The following ZBTB7C variants were observed in gnomAD, a reference collection of about 807,000 sequenced individuals.
The protein encoded by ZBTB7C is zinc finger and BTB domain containing 7C.
In ZBTB7C, 8 loss-of-function variants were observed where a neutral mutation model predicts 25.7. The ratio of observed to expected loss-of-function variants is 0.31; its 90% CI spans 0.18 to 0.56. The LOEUF (loss-of-function observed/expected upper bound fraction) is 0.56, where lower values mean the gene tolerates loss of function less well. Among genes scored for constraint, ZBTB7C ranks in the 20% least tolerant of loss-of-function variants. The pLI is 0.91. For missense variants in ZBTB7C, 824 were observed against 855.2 expected (o/e 0.96, Z 0.46); for synonymous variants, 394 against 369.0 (o/e 1.07, Z -0.78).
intron 1 of ZBTB7C, among the ~76,000 whole-genome samples, chr18:48,387,407 G>A (rs902528389): frequency 6.6e-6 from 1 of 152,152 alleles, no homozygotes; most frequent in South Asian, 2.1e-4. Flanking sequence ...AAATGAATGG[G>A]GTTTTATTTC....
At chr18:48,037,074 G>C (rs976387835) in intron 4 of ZBTB7C, among the ~76,000 whole-genome samples, 14 of 152,350 alleles carry the variant, frequency 9.2e-5, no homozygotes, top group Non-Finnish European at 1.5e-5. Context: ...AAGGGAGGCA[G>C]GCTGGAGCCA....
At chr18:48,254,896 C>T (rs2043979771) in intron 2 of ZBTB7C, among the ~76,000 whole-genome samples, 1 of 152,154 alleles carries the variant, frequency 6.6e-6, no homozygotes, top group South Asian at 2.1e-4. Flanking sequence ...ATGGTTTGTT[C>T]ATGATGCTCA....
chr18:48,206,937 T>C (rs1318433442), intron 2 of ZBTB7C, among the ~76,000 whole-genome samples: 1 of 152,002 alleles, frequency 6.6e-6, no homozygotes, highest in Non-Finnish European at 1.5e-5. Flanking sequence ...AGCTGTAGAA[T>C]GAGAGAAGAT....
chr18:48,220,969 A>T (rs1319036232), intron 2 of ZBTB7C, among the ~76,000 whole-genome samples: 1 of 151,208 alleles, frequency 6.6e-6, no homozygotes, highest in Non-Finnish European at 1.5e-5. Context: ...CTCCCTCTAT[A>T]CTGTCCTAGT....
chr18:48,156,801 G>A (rs745628817), intron 3 of ZBTB7C, among the ~76,000 whole-genome samples: 3 of 151,636 alleles, frequency 2.0e-5, no homozygotes, highest in Admixed American at 6.6e-5. Context: ...TTTAAGTAAA[G>A]TTTAAGTCCC....
At chr18:48,065,873 G>A (rs1024188945) in intron 3 of ZBTB7C, among the ~76,000 whole-genome samples, 1 of 152,188 alleles carries the variant, frequency 6.6e-6, no homozygotes, top group African/African-American at 2.4e-5. Context: ...TGAGGGGGCA[G>A]AGTGGGGCAG....
At chr18:48,268,155 T>C (rs1238419366) in intron 2 of ZBTB7C, among the ~76,000 whole-genome samples, 3 of 152,212 alleles carry the variant, frequency 2.0e-5, no homozygotes, top group African/African-American at 4.8e-5. Context: ...GGCCATGCAC[T>C]TGTTTAAGCA....
At chr18:48,041,144 G>C (rs2036226028) in intron 3 of ZBTB7C, 21 bp from the exon 4 acceptor site, 1 of 1,560,212 alleles carries the variant, frequency 6.4e-7, no homozygotes. Flanking sequence ...ACACAGAGAA[G>C]AAGACTGGGT....
chr18:48,218,792 C>T (rs2042885075), intron 2 of ZBTB7C, among the ~76,000 whole-genome samples: 1 of 152,218 alleles, frequency 6.6e-6, no homozygotes, highest in African/African-American at 2.4e-5. Context: ...ACCTACAGGC[C>T]TGCCCTGCTA....
At chr18:48,056,948 AAC>A (rs1177428707) in intron 3 of ZBTB7C, among the ~76,000 whole-genome samples, 6 of 151,840 alleles carry the variant, frequency 4.0e-5, no homozygotes, top group African/African-American at 1.5e-4. Flanking sequence ...CAAACTGAAG[AAC>A]ATATTTGAAA....
chr18:48,183,027 G>A (rs992231814), intron 3 of ZBTB7C, among the ~76,000 whole-genome samples: 8 of 151,976 alleles, frequency 5.3e-5, no homozygotes, highest in African/African-American at 1.9e-4. Flanking sequence ...TTTGCAATTA[G>A]AAGTAAAAAT....
intron 3 of ZBTB7C, among the ~76,000 whole-genome samples, chr18:48,059,262 T>C (rs771859996): frequency 6.6e-6 from 1 of 152,160 alleles, no homozygotes; most frequent in Non-Finnish European, 1.5e-5. Flanking sequence ...CTGTGGTTTA[T>C]AATTCCCCTA....
At chr18:48,263,115 C>T (rs1214518019) in intron 2 of ZBTB7C, among the ~76,000 whole-genome samples, 1 of 152,224 alleles carries the variant, frequency 6.6e-6, no homozygotes, top group Admixed American at 6.5e-5. Context: ...TCCTCATTGT[C>T]CCACAAACAC....
At chr18:48,306,768 A>T (rs2045684788) in intron 2 of ZBTB7C, among the ~76,000 whole-genome samples, 1 of 152,162 alleles carries the variant, frequency 6.6e-6, no homozygotes, top group Non-Finnish European at 1.5e-5. Context: ...AACGATGCCT[A>T]CCTTTTACGT....
rs1444961497 is a variant in ZBTB7C, at chr18:48,318,360, C to G, written c.-79+19814G>C. On this transcript the variant is annotated intron_variant, in intron 2 of 4. Coordinates refer to ENST00000590800, the MANE Select transcript of ZBTB7C (RefSeq NM_001318841.2). ...GCCCCCATCCCTCCAGATGAAGCCTCTGGGCTAGAGGCCCACCTGCTTGGT... is the reference window on the plus strand; with the variant it reads ...GCCCCCATCCCTCCAGATGAAGCCTGTGGGCTAGAGGCCCACCTGCTTGGT... Among the ~76,000 whole-genome samples the G allele has an allele frequency of 3.3e-5, 5 of 152,166 alleles. No homozygotes were observed. The East Asian group carries it at 9.6e-4, about 29-fold the overall frequency.
At chr18:48,047,095 G>T (rs527282456) in intron 3 of ZBTB7C, among the ~76,000 whole-genome samples, 7 of 152,248 alleles carry the variant, frequency 4.6e-5, no homozygotes, top group African/African-American at 1.7e-4. Flanking sequence ...GGTGAGCTGC[G>T]GTCAGGAGGT....
chr18:48,256,172 C>A lies in ZBTB7C; in HGVS notation c.-78-70177G>T, dbSNP rs535106481. ...CCACAGTTCCAAGAAGCTCAAGAAACCTGAAACATAAGAAATATGAAGAAG... is the reference window on the plus strand; with the variant it reads ...CCACAGTTCCAAGAAGCTCAAGAAAACTGAAACATAAGAAATATGAAGAAG... On this transcript the variant is annotated intron_variant, in intron 2 of 4. Transcript: ENST00000590800. Among the ~76,000 whole-genome samples the A allele has an allele frequency of 1.4e-4, 22 of 151,864 alleles. 1 individual carries two copies. The highest frequency in any genetic ancestry group is 4.6e-4 in the Admixed American group (7 of 15,254).
intron 3 of ZBTB7C, among the ~76,000 whole-genome samples, chr18:48,090,641 G>A (rs2038377112): frequency 6.6e-6 from 1 of 152,152 alleles, no homozygotes; most frequent in Admixed American, 6.5e-5. Flanking sequence ...AGGCCTATCT[G>A]TCCAGCCTTA....
chr18:48,398,148 C>A (rs1448131734), intron 1 of ZBTB7C, among the ~76,000 whole-genome samples: 2 of 152,200 alleles, frequency 1.3e-5, no homozygotes, highest in African/African-American at 4.8e-5. Context: ...AGATCTCCCT[C>A]AACTCAGAAG....
Sources: gnomAD v4.1 joint callset for allele counts (sites outside exome capture counted in the v4.1 genomes callset) on GRCh38, gnomAD v4.1.1 for gene constraint, MANE v1.5 for transcripts, NCBI Gene and HGNC (gene_info 2026-07-23, HGNC 2026-07-21) for gene names.